NALCN: variants seen among roughly 807,000 people sequenced by gnomAD.
The protein encoded by NALCN is sodium leak channel, non-selective, also known as sodium leak channel NALCN.
A neutral mutation model predicts 225.3 loss-of-function variants in NALCN; 111 were observed. The observed-to-expected ratio is 0.49, with a 90% CI of 0.42 to 0.58. The LOEUF is 0.58. NALCN is among the 20% of genes least tolerant of loss of function. The probability of loss-of-function intolerance (pLI) is 0.00; values close to 1 mark genes in which losing one functional copy is unlikely to be tolerated. For synonymous variants in NALCN, 764 were observed against 769.0 expected (o/e 0.99, Z 0.11); for missense variants, 1,378 against 2,202.4 (o/e 0.63, Z 7.49).
intron 17 of NALCN, among the ~76,000 whole-genome samples, chr13:101,138,895 G>A (rs1229587664): frequency 1.3e-5 from 2 of 152,090 alleles, no homozygotes; most frequent in Non-Finnish European, 2.9e-5. Flanking sequence ...CTTGGAAACT[G>A]GAAAAGCCCC....
chr13:101,176,024 AAGG>A (rs1425198498), intron 15 of NALCN, among the ~76,000 whole-genome samples: 1 of 152,218 alleles, frequency 6.6e-6, no homozygotes. Flanking sequence ...TTAATGGCAG[AAGG>A]AGAACAGTCT....
At position 101,103,260 on chromosome 13, in the gene NALCN, C is replaced by T. The variant is rs758254800; in HGVS notation, c.2969G>A (p.Cys990Tyr). 6.2e-7 allele frequency: 1 copy of T among 1,614,002 alleles called. No homozygotes were observed. The highest frequency in any genetic ancestry group is 1.1e-5 in the South Asian group (1 of 91,074). The change falls in exon 26 of 44, where the codon TGC (cysteine) becomes TAC (tyrosine). Residue 990 changes from cysteine (C) to tyrosine (Y), a missense_variant. Coordinates refer to ENST00000251127, the MANE Select transcript of NALCN (RefSeq NM_052867.4). ...TTTGAATATGCGCAGAGGTCTCAGG[C>T]ACCGAAGGACCATTAGAAGCTGAGC... The part of the protein sequence containing the change: ...SGAQLLMVLR[C>Y]LRPLRIFKLV...
At position 101,187,052 on chromosome 13, in the gene NALCN, C is replaced by A. The variant is rs889983080; in HGVS notation, c.1764+4865G>T. Among the ~76,000 whole-genome samples the A allele has an allele frequency of 5.3e-5, 8 of 151,946 alleles. No homozygotes were observed. The South Asian group carries it at 6.2e-4, about 12-fold the overall frequency. Reference sequence around the variant, plus strand: ...GTTGTACCCCATAAATACAGTAGGCCCCCCCCTTATCCACTGTCTCACTTT... The same window carrying A: ...GTTGTACCCCATAAATACAGTAGGCACCCCCCTTATCCACTGTCTCACTTT... On this transcript the variant is annotated intron_variant, in intron 14 of 43. Coordinates refer to ENST00000251127, the MANE Select transcript of NALCN (RefSeq NM_052867.4).
At chr13:101,398,652 C>T (rs1007421593) in intron 2 of NALCN, among the ~76,000 whole-genome samples, 4 of 152,228 alleles carry the variant, frequency 2.6e-5, no homozygotes, top group African/African-American at 9.6e-5. Context: ...TGCATATTGT[C>T]TCACGGATTC....
chr13:101,323,542 G>A (rs911165560), intron 7 of NALCN, among the ~76,000 whole-genome samples: 4 of 152,036 alleles, frequency 2.6e-5, no homozygotes, highest in African/African-American at 9.7e-5. Flanking sequence ...TTTCCTCAGT[G>A]CATGATTATT....
At chr13:101,111,440 G>A (rs939208682) in intron 18 of NALCN, among the ~76,000 whole-genome samples, 4 of 152,176 alleles carry the variant, frequency 2.6e-5, no homozygotes, top group African/African-American at 7.2e-5. Flanking sequence ...AGAAGGGCTG[G>A]AAAATAAACA....
chr13:101,343,009 C>T (rs1433416839), intron 7 of NALCN, among the ~76,000 whole-genome samples: 4 of 152,068 alleles, frequency 2.6e-5, no homozygotes, highest in Non-Finnish European at 5.9e-5. Context: ...TAATTACTTA[C>T]ATATTCAAGT....
chr13:101,153,906 C>T (rs906438280), intron 15 of NALCN, among the ~76,000 whole-genome samples: 2 of 152,178 alleles, frequency 1.3e-5, no homozygotes, highest in Admixed American at 6.5e-5. Flanking sequence ...AGCGGGTCTT[C>T]CAGTGCTTTG....
rs531466090 is a variant in NALCN at position 101,160,089 on chromosome 13, G to A, written c.1840-15193C>T. On this transcript the variant is annotated intron_variant, in intron 15 of 43. Transcript: ENST00000251127. ...ACTGCCTCAGCCTCCTGAGTAGCTG[G>A]GACTACAGGTACACACCACCATGCC... 1.7e-4 allele frequency among the ~76,000 whole-genome samples: 26 copies of A among 152,154 alleles called. No homozygotes were observed. In the East Asian group the frequency reaches 3.7e-3, roughly 22 times the overall value.
In NALCN at chr13:101,067,899, C is replaced by A; in HGVS notation, c.4446+19G>T. ...AGTCTCTTTGAGGTGAGGCATGAAA[C>A]AACAACCCACTCCCATACCTCTCTT... On this transcript the variant is annotated intron_variant, in intron 39 of 43. Transcript: ENST00000251127. 1.3e-6 allele frequency: 2 copies of A among 1,544,728 alleles called. No individual in the cohort carries two copies. The highest frequency in any genetic ancestry group is 1.1e-5 in the South Asian group (1 of 88,366).
intron 1 of NALCN, among the ~76,000 whole-genome samples, chr13:101,413,382 T>C (rs2047842859): frequency 6.6e-6 from 1 of 152,072 alleles, no homozygotes. Context: ...CTCTACATTA[T>C]AACTATCAGG....
intron 6 of NALCN, among the ~76,000 whole-genome samples, chr13:101,355,838 T>C (rs956567007): frequency 2.6e-5 from 4 of 152,148 alleles, no homozygotes; most frequent in African/African-American, 4.8e-5. Flanking sequence ...ACTGAACTCA[T>C]AACAAACAGT....
chr13:101,213,385 G>A (rs2040601408), intron 13 of NALCN, among the ~76,000 whole-genome samples: 1 of 152,158 alleles, frequency 6.6e-6, no homozygotes, highest in African/African-American at 2.4e-5. Flanking sequence ...ATATAGGCAT[G>A]GGCAAGGACT....
At chr13:101,194,504 A>G (rs1262697874) in intron 13 of NALCN, among the ~76,000 whole-genome samples, 2 of 152,162 alleles carry the variant, frequency 1.3e-5, no homozygotes, top group African/African-American at 4.8e-5. Flanking sequence ...TTCAAATGGT[A>G]GTGTGCTTGA....
At chr13:101,061,933 C>A in intron 41 of NALCN, 35 bp downstream of exon 41, 2 of 1,519,862 alleles carry the variant, frequency 1.3e-6, no homozygotes, top group Non-Finnish European at 1.8e-6. Flanking sequence ...CGGGGCGGGG[C>A]GGGGACCCAA....
intron 7 of NALCN, among the ~76,000 whole-genome samples, chr13:101,333,790 T>C (rs532933661): frequency 8.5e-5 from 13 of 152,214 alleles, no homozygotes; most frequent in Non-Finnish European, 1.6e-4. Context: ...AATTATGTTC[T>C]GCAGGCTGCT....
At chr13:101,154,130 T>C (rs952610070) in intron 15 of NALCN, among the ~76,000 whole-genome samples, 2 of 152,214 alleles carry the variant, frequency 1.3e-5, no homozygotes, top group Admixed American at 1.3e-4. Flanking sequence ...TAATATTATT[T>C]AACCCTAAAA....
At chr13:101,151,245 G>C (rs1285164493) in intron 15 of NALCN, among the ~76,000 whole-genome samples, 1 of 152,200 alleles carries the variant, frequency 6.6e-6, no homozygotes, top group Non-Finnish European at 1.5e-5. Flanking sequence ...GACACATACT[G>C]TGTTCTGCCT....
At chr13:101,330,760 G>C (rs1337792280) in intron 7 of NALCN, among the ~76,000 whole-genome samples, 1 of 152,138 alleles carries the variant, frequency 6.6e-6, no homozygotes, top group African/African-American at 2.4e-5. Flanking sequence ...TTGAATCATG[G>C]GGGCGAGTCT....
Sources: allele counts gnomAD v4.1 joint callset (sites outside exome capture counted in the v4.1 genomes callset), GRCh38; gene constraint gnomAD v4.1.1; transcripts MANE v1.5; gene names NCBI Gene and HGNC (gene_info 2026-07-23, HGNC 2026-07-21).